DLG2: variants seen among roughly 807,000 people sequenced by gnomAD.
The protein encoded by DLG2 is disks large homolog 2.
Under a neutral mutation model 132.5 loss-of-function variants are expected in DLG2, and 45 were observed. The observed-to-expected ratio is 0.34, with a 90% CI of 0.27 to 0.44. The LOEUF is 0.44. DLG2 is among the 20% of genes least tolerant of loss of function. The probability of loss-of-function intolerance (pLI) is 1.00; values close to 1 mark genes in which losing one functional copy is unlikely to be tolerated. For synonymous variants in DLG2, 424 were observed against 419.6 expected (o/e 1.01, Z -0.13); for missense variants, 1,045 against 1,196.9 (o/e 0.87, Z 1.87).
chr11:83,840,821 G>A (rs147365222), intron 16 of DLG2, among the ~76,000 whole-genome samples: 7 of 152,238 alleles, frequency 4.6e-5, no homozygotes, highest in East Asian at 3.9e-4. Flanking sequence ...CATGTTTTTC[G>A]CTTCCATGGT....
chr11:85,432,724 A>G (rs1199540024), intron 3 of DLG2, among the ~76,000 whole-genome samples: 2 of 152,158 alleles, frequency 1.3e-5, no homozygotes, highest in Admixed American at 6.5e-5. Context: ...GGAGAATAGA[A>G]CCAAATTGGA....
intron 18 of DLG2, among the ~76,000 whole-genome samples, chr11:83,641,787 T>C (rs2066584405): frequency 6.6e-6 from 1 of 152,226 alleles, no homozygotes; most frequent in South Asian, 2.1e-4. Context: ...CCTGCCTCTG[T>C]GTTGAAGTGG....
At chr11:84,847,264 G>C (rs144900500) in intron 6 of DLG2, among the ~76,000 whole-genome samples, 201 of 152,276 alleles carry the variant, frequency 1.3e-3, no homozygotes, top group African/African-American at 4.7e-3. Context: ...TGGAAGAAAA[G>C]TGGGGGAGCA....
intron 16 of DLG2, among the ~76,000 whole-genome samples, chr11:83,861,484 T>C (rs948664984): frequency 4.6e-5 from 7 of 152,198 alleles, no homozygotes; most frequent in African/African-American, 1.7e-4. Flanking sequence ...AACCTCAGTG[T>C]TCATCAACAG....
At chr11:84,420,669 T>C (rs2098946580) in intron 7 of DLG2, among the ~76,000 whole-genome samples, 3 of 89,794 alleles carry the variant, frequency 3.3e-5, no homozygotes, top group African/African-American at 8.1e-5. Context: ...TTTTTTTTTT[T>C]TTTTTTTTTT....
chr11:85,149,064 T>A (rs908981261), intron 5 of DLG2, among the ~76,000 whole-genome samples: 17 of 152,170 alleles, frequency 1.1e-4, no homozygotes, highest in African/African-American at 4.1e-4. Flanking sequence ...GTTGTAGATA[T>A]GTGGTGTTGT....
rs962771720 is a variant in DLG2, at chr11:84,534,600, A to G, written c.489T>C (p.Tyr163=). Residue 163 remains tyrosine (Y), a synonymous_variant, in exon 7 of 28, where the codon TAT becomes TAC. Coordinates refer to ENST00000376104, the MANE Select transcript of DLG2 (RefSeq NM_001142699.3). ...NLSQIENVHG[Y]VLQSHISPLK... ...GAGGAGAAATATGAGACTGCAAGAC[A>G]TATCCATGGACATTTTCTATTTGAG... 1 of 1,613,938 alleles carries G rather than the reference A, an allele frequency of 6.2e-7. No individual in the cohort carries two copies. The highest frequency in any genetic ancestry group is 8.5e-7 in the Non-Finnish European group (1 of 1,179,950).
At chr11:83,687,223 C>A (rs2079958183) in intron 18 of DLG2, among the ~76,000 whole-genome samples, 1 of 152,118 alleles carries the variant, frequency 6.6e-6, no homozygotes, top group East Asian at 1.9e-4. Context: ...TCTAAGCCAC[C>A]CAGTTTACGG....
At chr11:84,075,997 A>G (rs1210074138) in intron 10 of DLG2, among the ~76,000 whole-genome samples, 1 of 152,222 alleles carries the variant, frequency 6.6e-6, no homozygotes, top group Non-Finnish European at 1.5e-5. Context: ...GGATGGTGGC[A>G]TAAAGGATTA....
At chr11:84,827,954 T>C (rs1213819739) in intron 6 of DLG2, among the ~76,000 whole-genome samples, 3 of 151,828 alleles carry the variant, frequency 2.0e-5, no homozygotes, top group Admixed American at 6.6e-5. Flanking sequence ...GTTTTTATTT[T>C]ACTATTATGC....
intron 3 of DLG2, among the ~76,000 whole-genome samples, chr11:85,334,838 G>A (rs183447423): frequency 6.6e-5 from 10 of 152,174 alleles, no homozygotes; most frequent in Non-Finnish European, 2.9e-5. Context: ...CTGCTTTATG[G>A]CTGAGCATGT....
At chr11:83,857,716 A>G (rs74720439) in intron 16 of DLG2, among the ~76,000 whole-genome samples, 23 of 152,284 alleles carry the variant, frequency 1.5e-4, no homozygotes, top group African/African-American at 4.8e-4. Context: ...AGCATAATCA[A>G]TTCTAACAAA....
At chr11:84,754,792 T>A (rs2066640255) in intron 6 of DLG2, among the ~76,000 whole-genome samples, 1 of 152,128 alleles carries the variant, frequency 6.6e-6, no homozygotes, top group Non-Finnish European at 1.5e-5. Context: ...TGGACTTAGG[T>A]GATTATGATG....
chr11:85,421,226 C>A (rs1212544729), intron 3 of DLG2, among the ~76,000 whole-genome samples: 1 of 152,044 alleles, frequency 6.6e-6, no homozygotes, highest in Non-Finnish European at 1.5e-5. Context: ...GAGAGAGTTC[C>A]CTGACCCCTT....
At chr11:84,336,139 C>T (rs1600137313) in intron 7 of DLG2, among the ~76,000 whole-genome samples, 1 of 152,150 alleles carries the variant, frequency 6.6e-6, no homozygotes, top group African/African-American at 2.4e-5. Flanking sequence ...CCATGCTTTG[C>T]CACTTCTCTG....
intron 17 of DLG2, among the ~76,000 whole-genome samples, chr11:83,800,730 T>C (rs2044133225): frequency 1.3e-5 from 2 of 152,206 alleles, no homozygotes; most frequent in African/African-American, 4.8e-5. Flanking sequence ...GATGATTATT[T>C]TGGAATCTTT....
At chr11:84,783,101 T>TA (rs1220149769) in intron 6 of DLG2, among the ~76,000 whole-genome samples, 1 of 151,956 alleles carries the variant, frequency 6.6e-6, no homozygotes, top group African/African-American at 2.4e-5. Context: ...GTCAAAGACT[T>TA]AAAAAAAATC....
At chr11:83,587,114 C>G (rs1453240992) in intron 19 of DLG2, among the ~76,000 whole-genome samples, 1 of 152,138 alleles carries the variant, frequency 6.6e-6, no homozygotes, top group Non-Finnish European at 1.5e-5. Context: ...CACAGAGCAG[C>G]CATTCCAGAA....
At chr11:84,901,481 G>A (rs1346062135) in intron 6 of DLG2, among the ~76,000 whole-genome samples, 1 of 152,074 alleles carries the variant, frequency 6.6e-6, no homozygotes, top group Non-Finnish European at 1.5e-5. Context: ...TTTCCACGTA[G>A]TTCCCTCTTC....
Sources: allele counts gnomAD v4.1 joint callset (sites outside exome capture counted in the v4.1 genomes callset), GRCh38; gene constraint gnomAD v4.1.1; transcripts MANE v1.5; gene names NCBI Gene and HGNC (gene_info 2026-07-23, HGNC 2026-07-21).